Variants in MCTP1 observed in about 807,000 individuals in gnomAD.
The protein encoded by MCTP1 is multiple C2 and transmembrane domain-containing protein 1.
MCTP1 carries 69 observed loss-of-function variants against 120.6 expected under a neutral mutation model. That is an observed-to-expected ratio of 0.57 (90% CI 0.47 to 0.70). MCTP1 has a LOEUF of 0.70. MCTP1 is among the 30% of genes least tolerant of loss of function. The pLI, the probability that MCTP1 is intolerant of heterozygous loss-of-function variation, is 0.00. For synonymous variants in MCTP1, 529 were observed against 493.1 expected (o/e 1.07, Z -0.96); for missense variants, 1,203 against 1,248.8 (o/e 0.96, Z 0.55).
chr5:94,992,300 A>T (rs1333233537), intron 2 of MCTP1, among the ~76,000 whole-genome samples: 3 of 152,120 alleles, frequency 2.0e-5, no homozygotes, highest in African/African-American at 4.8e-5. Context: ...GAGGATGATG[A>T]TGATGATGAT....
At chr5:95,204,962 C>T (rs538742184) in intron 1 of MCTP1, among the ~76,000 whole-genome samples, 1 of 152,210 alleles carries the variant, frequency 6.6e-6, no homozygotes, top group African/African-American at 2.4e-5. Context: ...TCCCAGTTAG[C>T]TTCTTTGTAA....
At position 94,923,869 on chromosome 5, in the gene MCTP1, T is replaced by TA. The variant is rs1391835733; in HGVS notation, c.1272+92dup. ...AATACCTCTATCTGGAAGCCTATCTTAAAAAATGAAACTCTTAGTTGCCAT... is the reference window on the plus strand; with the variant it reads ...AATACCTCTATCTGGAAGCCTATCTTAAAAAAATGAAACTCTTAGTTGCCAT... On this transcript the variant is annotated intron_variant, in intron 7 of 22. Transcript: ENST00000515393. 6.8e-6 allele frequency: 5 copies of TA among 731,954 alleles called. No homozygotes were observed. The Admixed American group carries it at 1.2e-4, about 18-fold the overall frequency. 45.3% of individuals were successfully genotyped at this position (731,954 alleles called of 1,614,324 possible). A position where few individuals can be genotyped will look rare whatever the true frequency, so the allele number is the denominator to read the frequency against.
In MCTP1 at chr5:94,873,153, A is replaced by G. The variant is rs759543939; in HGVS notation, c.2022T>C (p.Asn674=). 10 of 1,594,278 alleles carry G rather than the reference A, an allele frequency of 6.3e-6. No homozygotes were observed. Among genetic ancestry groups the G allele is most frequent in the Non-Finnish European group, 6.9e-6 (8 of 1,162,714 alleles). ...TGCCTACTTACAACGTGAAGACTTT[A>G]TTCCACTCAGGATTGAGATTTTTGT... is the stretch of plus-strand genomic sequence containing the variant. ...TVYKNLNPEW[N]KVFTFNIKDI... is the part of the protein sequence containing the mutation. The change falls in exon 13 of 23, where the codon AAT becomes AAC. Residue 674 remains asparagine (N), a synonymous_variant. Coordinates refer to ENST00000515393, the MANE Select transcript of MCTP1 (RefSeq NM_024717.7).
In MCTP1 at chr5:94,732,880, T is replaced by C. The variant is rs539806513; in HGVS notation, c.2611-17994A>G. On this transcript the variant is annotated intron_variant, in intron 19 of 22. Transcript: ENST00000515393. ...TGTTGTTTATAAGCCACTCAGTCTATGACATTCTGTTACAACAGCCTGAAC... is the reference window on the plus strand; with the variant it reads ...TGTTGTTTATAAGCCACTCAGTCTACGACATTCTGTTACAACAGCCTGAAC... 2.0e-5 allele frequency among the ~76,000 whole-genome samples: 3 copies of C among 152,328 alleles called. No homozygotes were observed. The South Asian group carries it at 6.2e-4, about 32-fold the overall frequency.
chr5:94,888,523 G>A (rs1165377065), intron 12 of MCTP1, among the ~76,000 whole-genome samples: 1 of 152,156 alleles, frequency 6.6e-6, no homozygotes. Context: ...ATGCATGTTT[G>A]AATTATAAGT....
At chr5:95,140,577 G>A (rs190591241) in intron 1 of MCTP1, among the ~76,000 whole-genome samples, 1 of 151,594 alleles carries the variant, frequency 6.6e-6, no homozygotes. Flanking sequence ...ACCATTTAAC[G>A]GCCGGGCGCG....
At chr5:94,806,544 T>A (rs1222205425) in intron 17 of MCTP1, among the ~76,000 whole-genome samples, 2 of 152,192 alleles carry the variant, frequency 1.3e-5, no homozygotes, top group African/African-American at 2.4e-5. Context: ...CATCATCCCA[T>A]CAATTGATGC....
At chr5:94,834,075 G>A (rs2153172664) in intron 17 of MCTP1, among the ~76,000 whole-genome samples, 1 of 152,296 alleles carries the variant, frequency 6.6e-6, no homozygotes, top group South Asian at 2.1e-4. Flanking sequence ...TTAAAGCTGT[G>A]CAAGAATTTT....
In MCTP1 at chr5:94,862,093, C is replaced by G. The variant is rs1383810618; in HGVS notation, c.2436+6240G>C. ...TATAGCATAGCATAATAGCACTATA[C>G]CTGAGAAAAAATGAAATCATTTTCT... On this transcript the variant is annotated intron_variant, in intron 17 of 22. Coordinates refer to ENST00000515393, the MANE Select transcript of MCTP1 (RefSeq NM_024717.7). 2.0e-5 allele frequency among the ~76,000 whole-genome samples: 3 copies of G among 151,740 alleles called. No homozygotes were observed. The East Asian group carries it at 5.8e-4, about 29-fold the overall frequency.
intron 17 of MCTP1, among the ~76,000 whole-genome samples, chr5:94,799,702 C>G (rs1252527948): frequency 2.6e-5 from 4 of 152,080 alleles, no homozygotes; most frequent in African/African-American, 9.7e-5. Flanking sequence ...CCATAGAAAT[C>G]AAAGAGCTAT....
At chr5:94,932,360 T>G (rs918564641) in intron 5 of MCTP1, among the ~76,000 whole-genome samples, 1 of 151,970 alleles carries the variant, frequency 6.6e-6, no homozygotes, top group Non-Finnish European at 1.5e-5. Context: ...ATATAATAAT[T>G]TTTCTCTTCA....
rs1453389798 is a variant in MCTP1, at chr5:95,123,791, A to C, written c.721-106307T>G. ...CAGCCTCCCGAGTAGCTGGGACTACAGGCGCCCGCCACTGCGCCCGGCTAA... is the reference window on the plus strand; with the variant it reads ...CAGCCTCCCGAGTAGCTGGGACTACCGGCGCCCGCCACTGCGCCCGGCTAA... On this transcript the variant is annotated intron_variant, in intron 1 of 22. Transcript: ENST00000515393. 2.6e-5 allele frequency among the ~76,000 whole-genome samples: 4 copies of C among 151,888 alleles called. No individual in the cohort carries two copies. The East Asian group carries it at 5.8e-4, about 22-fold the overall frequency.
At chr5:95,221,903 C>A (rs1236390965) in intron 1 of MCTP1, among the ~76,000 whole-genome samples, 1 of 152,164 alleles carries the variant, frequency 6.6e-6, no homozygotes, top group Non-Finnish European at 1.5e-5. Context: ...TGAGAACATA[C>A]CGTCAAACTT....
At chr5:94,914,610 G>A (rs1401079293) in intron 8 of MCTP1, among the ~76,000 whole-genome samples, 1 of 151,822 alleles carries the variant, frequency 6.6e-6, no homozygotes, top group Non-Finnish European at 1.5e-5. Context: ...GAATATCAAC[G>A]CAGGCTTTTG....
At chr5:95,116,488 T>C (rs1346113950) in intron 1 of MCTP1, among the ~76,000 whole-genome samples, 1 of 152,196 alleles carries the variant, frequency 6.6e-6, no homozygotes. Flanking sequence ...TTTTGTTCTT[T>C]TTGCTTAGGA....
At chr5:94,909,794 G>A (rs140207232) in intron 9 of MCTP1, among the ~76,000 whole-genome samples, 1,720 of 152,104 alleles carry the variant, frequency 0.011, 20 homozygotes, top group Non-Finnish European at 0.018. Flanking sequence ...TTCAGAGTTT[G>A]TTTTTTTCTT....
chr5:94,850,962 A>G (rs1793567056), intron 17 of MCTP1, among the ~76,000 whole-genome samples: 1 of 152,148 alleles, frequency 6.6e-6, no homozygotes, highest in African/African-American at 2.4e-5. Flanking sequence ...AGAACTATCT[A>G]CATTCAATAT....
At chr5:95,105,381 A>G (rs1381089897) in intron 1 of MCTP1, among the ~76,000 whole-genome samples, 1 of 152,122 alleles carries the variant, frequency 6.6e-6, no homozygotes, top group African/African-American at 2.4e-5. Context: ...GTTAACTTAG[A>G]AACTAAATTT....
chr5:94,708,955 G>T (rs1036617495), intron 21 of MCTP1: 19 of 169,188 alleles, frequency 1.1e-4, no homozygotes, highest in African/African-American at 4.3e-4. Flanking sequence ...CTACTTTTTG[G>T]GTTAAGATTG....
Sources: allele counts gnomAD v4.1 joint callset (sites outside exome capture counted in the v4.1 genomes callset), GRCh38; gene constraint gnomAD v4.1.1; transcripts MANE v1.5; gene names NCBI Gene and HGNC (gene_info 2026-07-23, HGNC 2026-07-21).